Variants in ALDH16A1 observed in about 807,000 individuals in gnomAD.
The protein encoded by ALDH16A1 is aldehyde dehydrogenase family 16 member A1.
Under a neutral mutation model 96.1 loss-of-function variants are expected in ALDH16A1, and 88 were observed. The ratio of observed to expected loss-of-function variants is 0.92; its 90% CI spans 0.77 to 1.09. The LOEUF is 1.09. Ranked by LOEUF, ALDH16A1 falls within the 50% of genes least tolerant of loss-of-function variation. ALDH16A1 has a pLI of 0.00. For synonymous variants in ALDH16A1, 522 were observed against 496.4 expected, an observed-to-expected ratio of 1.05 and a Z score of -0.69; for missense variants, 1,250 against 1,112.6, an observed-to-expected ratio of 1.12 and a Z score of -1.76.
In ALDH16A1 at chr19:49,462,655, G is replaced by A; in HGVS notation, c.998G>A (p.Gly333Asp). 1 of 1,612,230 alleles carries A rather than the reference G, an allele frequency of 6.2e-7. No individual in the cohort carries two copies. The part of the protein sequence containing the change: ...LQERMGRLRS[G>D]RGLDGAVDMG... ...GAGCGGATGGGGCGGCTTCGGAGTG[G>A]CCGAGGGCTGGATGGGGCCGTGGAC... The change falls in exon 8 of 17, where the codon GGC (glycine) becomes GAC (aspartate). Residue 333 changes from glycine (G) to aspartate (D), a missense_variant. Transcript: ENST00000293350.
Position 49,457,379 on chromosome 19 carries a change from CT to C in ALDH16A1, c.91-1106del, listed in dbSNP as rs1260230181. On this transcript the variant is annotated intron_variant, in intron 1 of 16. Transcript: ENST00000293350. ...TGGCTAACACAGTGAAACCCCATCTCTACTAAAAATACAAAAAAATTAGCCA... is the reference window on the plus strand; with the variant it reads ...TGGCTAACACAGTGAAACCCCATCTCACTAAAAATACAAAAAAATTAGCCA... Among the ~76,000 whole-genome samples the C allele has an allele frequency of 2.0e-5, 3 of 151,718 alleles. No homozygotes were observed. The East Asian group carries it at 5.9e-4, about 30-fold the overall frequency.
In ALDH16A1 at chr19:49,459,690, A is replaced by T. The variant is rs748891082; in HGVS notation, c.341A>T (p.Lys114Met). 5 of 1,607,750 alleles carry T rather than the reference A, an allele frequency of 3.1e-6. No individual in the cohort carries two copies. Among genetic ancestry groups the T allele is most frequent in the Middle Eastern group, 1.7e-4 (1 of 6,012 alleles). Residue 114 changes from lysine (K) to methionine (M), a missense_variant, in exon 4 of 17, where the codon AAG becomes ATG. By Grantham distance (95) the Lys-to-Met change is moderately conservative (BLOSUM62 -1). Transcript: ENST00000293350. This position sits in a 1 kb window ranked among gnomAD's most constrained non-coding sequence, Gnocchi z 4.1. Reference sequence around the variant, plus strand: ...GACAGGCTGGCCGAGGTGATCCAGAAGCACCAGCGGCTGCTGTGGACCCTG... The same window carrying T: ...GACAGGCTGGCCGAGGTGATCCAGATGCACCAGCGGCTGCTGTGGACCCTG... ...HLTRLAEVIQ[K>M]HQRLLWTLES...
intron 1 of ALDH16A1, among the ~76,000 whole-genome samples, chr19:49,455,888 A>AT (rs921355829): frequency 1.3e-4 from 20 of 149,996 alleles, no homozygotes; most frequent in South Asian, 8.5e-4. Flanking sequence ...CGTGAACTTT[A>AT]TTTTTTTTTT....
At chr19:49,465,971 A>C (rs141443519) in intron 13 of ALDH16A1, 66 bp downstream of exon 13, 1 of 1,564,616 alleles carries the variant, frequency 6.4e-7, no homozygotes, top group Non-Finnish European at 8.7e-7. Flanking sequence ...GCCCACAGCA[A>C]TTGGTGGACT....
chr19:49,455,294 T>G (rs913646146), intron 1 of ALDH16A1, among the ~76,000 whole-genome samples: 9 of 151,380 alleles, frequency 5.9e-5, no homozygotes, highest in African/African-American at 1.9e-4. Context: ...CAGGCACCTG[T>G]AATCCCAGCT....
rs535005316 is a variant in ALDH16A1 at position 49,468,878 on chromosome 19, G to T, written c.2139G>T (p.Val713=). Residue 713 remains valine, a synonymous_variant, in exon 16 of 17, where the codon GTG becomes GTT. Transcript: ENST00000293350. The surrounding 1 kb of genome is among the most constrained non-coding windows in gnomAD (Gnocchi z 4.4). ...ALEVCQDMAT[V]FPAGLANVVT... ...CTATCCCCTAGGACATGGCCACCGT[G>T]TTCCCAGCAGGCCTGGCCAACGTGG... 3.1e-6 allele frequency: 5 copies of T among 1,613,676 alleles called. No homozygotes were observed. The highest frequency in any genetic ancestry group is 1.7e-4 in the Middle Eastern group (1 of 5,932).
rs778735122 is a variant in ALDH16A1, at chr19:49,470,349, C to A, written c.2291C>A (p.Pro764Gln). Residue 764 changes from proline (P) to glutamine (Q), a missense_variant, in exon 17 of 17, where the codon CCG becomes CAG. Physicochemically the swap from Pro to Gln is moderately conservative, Grantham distance 76 (BLOSUM62 -1). Coordinates refer to ENST00000293350, the MANE Select transcript of ALDH16A1 (RefSeq NM_153329.4). ...VEWASAGNLK[P>Q]VWASRGCPRA... ...TGGGCCTCGGCAGGAAACCTCAAAC[C>A]GGTGTGGGCGAGCAGGGGCTGCCCG... 1.2e-6 allele frequency: 2 copies of A among 1,613,380 alleles called. No individual in the cohort carries two copies. The highest frequency in any genetic ancestry group is 1.7e-6 in the Non-Finnish European group (2 of 1,179,868).
intron 1 of ALDH16A1, among the ~76,000 whole-genome samples, chr19:49,454,027 T>TTGTG (rs1442059804): frequency 3.9e-5 from 5 of 128,470 alleles, no homozygotes; most frequent in Non-Finnish European, 5.2e-5. Flanking sequence ...TGGGTTTTTT[T>TTGTG]TTTGTTTTTT....
chr19:49,462,125 T>C (rs2079155138), intron 7 of ALDH16A1, 89 bp downstream of exon 7: 1 of 1,370,084 alleles, frequency 7.3e-7, no homozygotes, highest in Non-Finnish European at 9.6e-7. Context: ...CTGTTCATTT[T>C]ATTTTATTTT....
rs1284579324 is a variant in ALDH16A1 at position 49,464,150 on chromosome 19, C to CT, written c.1219dup (p.Ser407PhefsTer77). The stretch of plus-strand genomic sequence containing the variant: ...AGGTGCCGTGGCCTGTGGTCGTGGC[C>CT]TCCCCCTTCCGCACAGCCAAGGAGG... On this transcript the variant is annotated frameshift_variant, in exon 10 of 17. Coordinates refer to ENST00000293350, the MANE Select transcript of ALDH16A1 (RefSeq NM_153329.4). LOFTEE classifies it high-confidence loss of function. 1 of 1,608,802 alleles carries CT rather than the reference C, an allele frequency of 6.2e-7. No homozygotes were observed. The highest frequency in any genetic ancestry group is 2.2e-5 in the East Asian group (1 of 44,850).
At chr19:49,460,500 C>T (rs1213658354) in intron 4 of ALDH16A1, among the ~76,000 whole-genome samples, 2 of 151,562 alleles carry the variant, frequency 1.3e-5, no homozygotes, top group South Asian at 2.1e-4. Flanking sequence ...CTGGAACCTC[C>T]GCCTCCCGTG....
Position 49,458,999 on chromosome 19 carries a change from A to G in ALDH16A1, c.233A>G (p.Asp78Gly). The G allele has an allele frequency of 6.2e-7, 1 of 1,613,472 alleles. No individual in the cohort carries two copies. The highest frequency in any genetic ancestry group is 8.5e-7 in the Non-Finnish European group (1 of 1,180,018). The change falls in exon 3 of 17, where the codon GAT becomes GGT. Residue 78 changes from aspartate to glycine, a missense_variant. Asp to Gly is a moderately conservative substitution (Grantham distance 94). Coordinates refer to ENST00000293350, the MANE Select transcript of ALDH16A1 (RefSeq NM_153329.4). ...AGTTGCCTGCAGGCACAGGCCGAGGATGTGGCTGCAGCCGTGGAGGCAGCC... is the reference window on the plus strand; with the variant it reads ...AGTTGCCTGCAGGCACAGGCCGAGGGTGTGGCTGCAGCCGTGGAGGCAGCC... ...LASCLQAQAE[D>G]VAAAVEAARM...
In ALDH16A1 at chr19:49,461,891, G is replaced by A. The variant is rs569748998; in HGVS notation, c.767G>A (p.Arg256His). 6 of 1,586,124 alleles carry A rather than the reference G, an allele frequency of 3.8e-6. No individual in the cohort carries two copies. Among genetic ancestry groups the A allele is most frequent in the Admixed American group, 1.8e-5 (1 of 55,890 alleles). The change falls in exon 7 of 17, where the codon CGT becomes CAT. Residue 256 changes from arginine to histidine, a missense_variant. Physicochemically the swap from Arg to His is conservative, Grantham distance 29. Coordinates refer to ENST00000293350, the MANE Select transcript of ALDH16A1 (RefSeq NM_153329.4). ...VAFCGAPEEG[R>H]ALRRSLAGEC... ...ACTGGGGGGGGTCCCTAGGAAGGGC[G>A]TGCCCTTCGACGGAGCCTGGCGGGA...
Position 49,466,093 on chromosome 19 carries a change from A to T in ALDH16A1, c.1748A>T (p.Gln583Leu). ...AHQAFPGWAG[Q>L]SPGARAALLW... ...CTGTCTGCCCACAGCTGGGCGGGCCAGTCCCCAGGAGCCCGGGCAGCCCTG... is the reference window on the plus strand; with the variant it reads ...CTGTCTGCCCACAGCTGGGCGGGCCTGTCCCCAGGAGCCCGGGCAGCCCTG... Residue 583 changes from glutamine (Q) to leucine (L), a missense_variant, in exon 14 of 17, where the codon CAG becomes CTG. Physicochemically the swap from Gln to Leu is moderately radical, Grantham distance 113. Coordinates refer to ENST00000293350, the MANE Select transcript of ALDH16A1 (RefSeq NM_153329.4). 1 of 1,544,460 alleles carries T rather than the reference A, an allele frequency of 6.5e-7. No homozygotes were observed. The highest frequency in any genetic ancestry group is 8.7e-7 in the Non-Finnish European group (1 of 1,148,408).
rs750849717 is a variant in ALDH16A1 at position 49,462,721 on chromosome 19, G to A, written c.1064G>A (p.Arg355His). 6.2e-6 allele frequency: 10 copies of A among 1,603,000 alleles called. No individual in the cohort carries two copies. In the South Asian group the frequency reaches 8.9e-5, roughly 14 times the overall value. The change falls in exon 8 of 17, where the codon CGC (arginine) becomes CAC (histidine). Residue 355 changes from arginine to histidine, a missense_variant. Arg to His is a conservative substitution (Grantham distance 29). Transcript: ENST00000293350. ...GCTGCCGCATGTGACCTGGTCCAGC[G>A]CTTTGTGCGTGAGGCCCAGAGCCAG... is the stretch of plus-strand genomic sequence containing the variant. ...RGAAACDLVQ[R>H]FVREAQSQGA...
rs1158888527 is a variant in ALDH16A1 at position 49,468,958 on chromosome 19, A to G, written c.2219A>G (p.Gln740Arg). The change falls in exon 16 of 17, where the codon CAG becomes CGG. Residue 740 changes from glutamine (Q) to arginine (R), a missense_variant. By Grantham distance (43) the Gln-to-Arg change is conservative. Transcript: ENST00000293350. The surrounding 1 kb of genome is among the most constrained non-coding windows in gnomAD (Gnocchi z 4.4). ...TRCLALHQDV[Q>R]AMWYFGSAQG... Reference sequence around the variant, plus strand: ...TGCCTGGCCTTGCACCAAGACGTCCAGGCCATGTGGTATTTCGGATCAGCC... The same window carrying G: ...TGCCTGGCCTTGCACCAAGACGTCCGGGCCATGTGGTATTTCGGATCAGCC... 6.2e-7 allele frequency: 1 copy of G among 1,613,790 alleles called. No individual in the cohort carries two copies. The highest frequency in any genetic ancestry group is 8.5e-7 in the Non-Finnish European group (1 of 1,179,810).
At position 49,459,951 on chromosome 19, in the gene ALDH16A1, C is replaced by A; in HGVS notation, c.499+103C>A. ...TTTAGACAGAGTTTCGCTCTTGTCG[C>A]CCAGGCCGGAGTGCAGTGGCGCAAT... On this transcript the variant is annotated intron_variant, in intron 4 of 16. Transcript: ENST00000293350. The surrounding 1 kb of genome is among the most constrained non-coding windows in gnomAD (Gnocchi z 4.1). The A allele has an allele frequency of 7.2e-7, 1 of 1,384,640 alleles. No individual in the cohort carries two copies. The highest frequency in any genetic ancestry group is 1.4e-5 in the South Asian group (1 of 69,820). The allele number at this position is 1,384,640 out of a possible 1,614,324, so 85.8% of individuals were successfully genotyped here.
intron 7 of ALDH16A1, 73 bp from the exon 8 acceptor site, chr19:49,462,497 T>G (rs2079158741): frequency 6.6e-7 from 1 of 1,517,484 alleles, no homozygotes; most frequent in African/African-American, 1.4e-5. Context: ...TTCCAGCCTC[T>G]GTCTTCACTC....
chr19:49,465,660 T>C (rs2079191216), intron 12 of ALDH16A1, 78 bp from the exon 13 acceptor site: 1 of 1,486,090 alleles, frequency 6.7e-7, no homozygotes, highest in Non-Finnish European at 9.1e-7. Context: ...GCCAAGGCAG[T>C]CTTCCCAGTG....
Sources: allele counts gnomAD v4.1 joint callset (sites outside exome capture counted in the v4.1 genomes callset), GRCh38; gene constraint gnomAD v4.1.1; non-coding constraint Gnocchi (gnomAD v3.1); transcripts MANE v1.5; gene names NCBI Gene and HGNC (gene_info 2026-07-23, HGNC 2026-07-21).